CADM1: variants seen among roughly 807,000 people sequenced by gnomAD.
CADM1 encodes the protein cell adhesion molecule 1.
CADM1 carries 15 observed loss-of-function variants against 53.1 expected under a neutral mutation model. The ratio of observed to expected loss-of-function variants is 0.28; its 90% CI spans 0.19 to 0.44. The LOEUF (loss-of-function observed/expected upper bound fraction) is 0.44. Among genes scored for constraint, CADM1 ranks in the 20% least tolerant of loss-of-function variants. The probability of loss-of-function intolerance (pLI) is 1.00; values close to 1 mark genes in which losing one functional copy is unlikely to be tolerated. For missense variants in CADM1, 434 were observed against 611.3 expected, an observed-to-expected ratio of 0.71 and a Z score of 3.06; for synonymous variants, 281 against 243.0, an observed-to-expected ratio of 1.16 and a Z score of -1.45.
Position 115,245,277 on chromosome 11 carries a change from G to T in CADM1, c.125-4857C>A, listed in dbSNP as rs903476515. On this transcript the variant is annotated intron_variant, in intron 1 of 11. Coordinates refer to ENST00000331581, the MANE Select transcript of CADM1 (RefSeq NM_001301043.2). ...ATCAGCACATATTGTCTAAATAGGA[G>T]TCAAACCAAAACTATTGATTGTTAA... is the stretch of plus-strand genomic sequence containing the variant. Among the ~76,000 whole-genome samples, 5 of 151,916 alleles carry T rather than the reference G, an allele frequency of 3.3e-5. No homozygotes were observed. The East Asian group carries it at 5.8e-4, about 18-fold the overall frequency.
intron 1 of CADM1, among the ~76,000 whole-genome samples, chr11:115,402,168 T>C (rs969987763): frequency 4.6e-5 from 7 of 152,236 alleles, no homozygotes; most frequent in African/African-American, 1.4e-4. Flanking sequence ...ACAAATGATA[T>C]ACTTGGAAAA....
intron 1 of CADM1, among the ~76,000 whole-genome samples, chr11:115,255,807 T>C (rs1416925367): frequency 6.6e-6 from 1 of 152,246 alleles, no homozygotes; most frequent in Non-Finnish European, 1.5e-5. Flanking sequence ...GAATGTATCA[T>C]TCTTCCTTAA....
intron 1 of CADM1, among the ~76,000 whole-genome samples, chr11:115,444,939 C>G (rs555630635): frequency 6.6e-6 from 1 of 152,010 alleles, no homozygotes; most frequent in Admixed American, 6.6e-5. Context: ...GGGGCAGGCA[C>G]GTGGAGGGGT....
chr11:115,214,442 C>G (rs1941089340), intron 7 of CADM1, 166 bp downstream of exon 7: 4 of 661,148 alleles, frequency 6.1e-6, no homozygotes, highest in Admixed American at 2.4e-5. Context: ...AGTCACTATC[C>G]CAGGTGGAGA....
chr11:115,326,202 G>A (rs1396092215), intron 1 of CADM1, among the ~76,000 whole-genome samples: 1 of 152,132 alleles, frequency 6.6e-6, no homozygotes, highest in Non-Finnish European at 1.5e-5. Flanking sequence ...AGATTATAGA[G>A]TTCTGCAGAA....
chr11:115,349,866 CG>C lies in CADM1; in HGVS notation c.125-109447del, dbSNP rs563040539. Among the ~76,000 whole-genome samples, 201 of 152,212 alleles carry C rather than the reference CG, an allele frequency of 1.3e-3. 1 individual carries two copies. In the Middle Eastern group the frequency reaches 0.014, roughly 10 times the overall value. ...AGAGTATACATGTCTATGGAACTGTCGGGGAGGTAGTTCACAATAAAAAGGC... is the reference window on the plus strand; with the variant it reads ...AGAGTATACATGTCTATGGAACTGTCGGGAGGTAGTTCACAATAAAAAGGC... On this transcript the variant is annotated intron_variant, in intron 1 of 11. Transcript: ENST00000331581.
intron 6 of CADM1, among the ~76,000 whole-genome samples, chr11:115,217,277 G>C (rs1045748848): frequency 6.6e-6 from 1 of 152,088 alleles, no homozygotes; most frequent in Admixed American, 6.5e-5. Flanking sequence ...AACTCAAGTG[G>C]CTCCTTTATA....
intron 1 of CADM1, among the ~76,000 whole-genome samples, chr11:115,244,255 TG>T (rs1342243518): frequency 3.9e-5 from 6 of 152,202 alleles, no homozygotes; most frequent in African/African-American, 7.2e-5. Flanking sequence ...GTTGTTGGGG[TG>T]GGGGTGCAGC....
chr11:115,261,130 G>A (rs1255425041), intron 1 of CADM1, among the ~76,000 whole-genome samples: 1 of 152,102 alleles, frequency 6.6e-6, no homozygotes, highest in African/African-American at 2.4e-5. Context: ...AATGTCATGA[G>A]GGTACACCTA....
intron 3 of CADM1, among the ~76,000 whole-genome samples, chr11:115,234,049 T>C (rs1369653781): frequency 6.6e-6 from 1 of 152,218 alleles, no homozygotes; most frequent in African/African-American, 2.4e-5. Context: ...CCTCTATGTA[T>C]CTCTGTTGAG....
rs573600674 is a variant in CADM1 at position 115,485,544 on chromosome 11, G to A, written c.124+18727C>T. Among the ~76,000 whole-genome samples, 75 of 152,202 alleles carry A rather than the reference G, an allele frequency of 4.9e-4. 1 individual carries two copies. Among genetic ancestry groups the A allele is most frequent in the African/African-American group, 1.6e-3 (67 of 41,534 alleles). ...TGGGAGACAACTGAATCATGGGGGCGGTTTCCCCCATACTGTTTGCTTGTC... is the reference window on the plus strand; with the variant it reads ...TGGGAGACAACTGAATCATGGGGGCAGTTTCCCCCATACTGTTTGCTTGTC... On this transcript the variant is annotated intron_variant, in intron 1 of 11. Transcript: ENST00000331581.
intron 5 of CADM1, among the ~76,000 whole-genome samples, chr11:115,219,547 C>G (rs1056554904): frequency 1.3e-5 from 2 of 152,164 alleles, no homozygotes; most frequent in African/African-American, 2.4e-5. Flanking sequence ...GCAAGTTACA[C>G]AGTTCTATTC....
intron 1 of CADM1, among the ~76,000 whole-genome samples, chr11:115,241,619 A>T (rs1224857499): frequency 6.6e-6 from 1 of 152,214 alleles, no homozygotes; most frequent in Non-Finnish European, 1.5e-5. Flanking sequence ...AATATAAAGC[A>T]TTTAGCACTG....
At chr11:115,209,497 T>C (rs1940847329) in intron 8 of CADM1, 77 bp downstream of exon 8, 6 of 1,601,520 alleles carry the variant, frequency 3.7e-6, no homozygotes, top group Non-Finnish European at 5.1e-6. Context: ...TAAAGGGAAC[T>C]TTTCGGCTTC....
At chr11:115,498,387 G>A (rs1435570943) in intron 1 of CADM1, among the ~76,000 whole-genome samples, 2 of 152,132 alleles carry the variant, frequency 1.3e-5, no homozygotes, top group Non-Finnish European at 2.9e-5. Flanking sequence ...ACAAATATAC[G>A]AATGGGGTAT....
intron 1 of CADM1, among the ~76,000 whole-genome samples, chr11:115,369,474 T>A (rs900708978): frequency 6.6e-6 from 1 of 152,184 alleles, no homozygotes; most frequent in Non-Finnish European, 1.5e-5. Context: ...TAACAAAACA[T>A]AGTCACAGTT....
chr11:115,440,562 T>A (rs138788669), intron 1 of CADM1, among the ~76,000 whole-genome samples: 17 of 152,204 alleles, frequency 1.1e-4, no homozygotes, highest in Admixed American at 3.3e-4. Flanking sequence ...ATAAGAACTG[T>A]TCCTCCTCAT....
intron 1 of CADM1, among the ~76,000 whole-genome samples, chr11:115,378,207 C>T (rs908295527): frequency 4.6e-5 from 7 of 152,048 alleles, no homozygotes; most frequent in Admixed American, 3.3e-4. Flanking sequence ...TTAATGACCA[C>T]GCAGGGAGAG....
chr11:115,400,662 T>TAC (rs1491182636), intron 1 of CADM1, among the ~76,000 whole-genome samples: 3 of 2,986 alleles, frequency 1.0e-3, no homozygotes, highest in Non-Finnish European at 6.2e-4. Flanking sequence ...TGTGTGTGTG[T>TAC]ATATATATAT....
Sources: gnomAD v4.1 joint callset for allele counts (sites outside exome capture counted in the v4.1 genomes callset) on GRCh38, gnomAD v4.1.1 for gene constraint, MANE v1.5 for transcripts, NCBI Gene and HGNC (gene_info 2026-07-23, HGNC 2026-07-21) for gene names.